USP9X: variants seen among roughly 807,000 people sequenced by gnomAD.
USP9X encodes ubiquitin specific peptidase 9 X-linked.
In USP9X, 7 loss-of-function variants were observed where a neutral mutation model predicts 190.3. The ratio of observed to expected loss-of-function variants is 0.04; its 90% CI spans 0.02 to 0.07. The LOEUF (loss-of-function observed/expected upper bound fraction) is 0.07. Among genes scored for constraint, USP9X ranks in the 10% least tolerant of loss-of-function variants. USP9X has a pLI of 1.00. For missense variants in USP9X, 1,010 were observed against 1,916.9 expected, an observed-to-expected ratio of 0.53 and a Z score of 8.83; for synonymous variants, 645 against 659.5, an observed-to-expected ratio of 0.98 and a Z score of 0.34.
At chrX:41,168,599 C>G (rs554870725) in intron 18 of USP9X, among the ~76,000 whole-genome samples, 10 of 112,479 alleles carry the variant, frequency 8.9e-5, no homozygotes, top group African/African-American at 3.2e-4. Flanking sequence ...CTCAAGCGAC[C>G]TTTCCACCTC....
intron 1 of USP9X, among the ~76,000 whole-genome samples, chrX:41,106,659 A>G (rs1255798200): frequency 2.0e-5 from 2 of 102,043 alleles, no homozygotes; most frequent in Non-Finnish European, 3.9e-5. Flanking sequence ...ACCTCCAAGT[A>G]GCTGAGATTA....
intron 1 of USP9X, among the ~76,000 whole-genome samples, chrX:41,121,851 A>T (rs762250866): frequency 9.0e-6 from 1 of 111,680 alleles, no homozygotes; most frequent in African/African-American, 3.3e-5. Flanking sequence ...GAAGAGGGCT[A>T]CTGATCTAAT....
chrX:41,213,286 G>C (rs2063182277), intron 33 of USP9X, among the ~76,000 whole-genome samples: 1 of 111,119 alleles, frequency 9.0e-6, no homozygotes, highest in African/African-American at 3.3e-5. Flanking sequence ...GACAGAGTGA[G>C]ACCTCACCTC....
Position 41,123,626 on chromosome X carries a change from A to G in USP9X, c.-3A>G, listed in dbSNP as rs1482934260. The G allele has an allele frequency of 1.7e-6, 2 of 1,210,222 alleles. No homozygotes were observed. Among genetic ancestry groups the G allele is most frequent in the Non-Finnish European group, 2.2e-6 (2 of 894,201 alleles). On this transcript the variant is annotated 5_prime_UTR_variant, in exon 2 of 45. Coordinates refer to ENST00000378308, the MANE Select transcript of USP9X (RefSeq NM_001039591.3). ...AATTGCAAAGATCTGCCCTGTGTCGAGTATGACAGCCACGACTCGTGGCTC... is the reference window on the plus strand; with the variant it reads ...AATTGCAAAGATCTGCCCTGTGTCGGGTATGACAGCCACGACTCGTGGCTC...
intron 1 of USP9X, among the ~76,000 whole-genome samples, chrX:41,121,050 G>A (rs1173338272): frequency 2.8e-5 from 3 of 105,913 alleles, no homozygotes; most frequent in South Asian, 4.2e-4. Flanking sequence ...GTGTCACCAC[G>A]TTGGCCAGGC....
At chrX:41,217,734 T>C (rs181907698) in intron 36 of USP9X, among the ~76,000 whole-genome samples, 1 of 110,718 alleles carries the variant, frequency 9.0e-6, no homozygotes, top group African/African-American at 3.3e-5. Flanking sequence ...AAAGAAGATT[T>C]TAAAAATTAC....
chrX:41,091,466 G>T (rs756314706), intron 1 of USP9X, among the ~76,000 whole-genome samples: 16 of 111,841 alleles, frequency 1.4e-4, no homozygotes, highest in Non-Finnish European at 2.4e-4. Flanking sequence ...TAGGTGTTTT[G>T]ATTAATTTTG....
chrX:41,121,517 C>G lies in USP9X; in HGVS notation c.-158-1954C>G, dbSNP rs190172224. On this transcript the variant is annotated intron_variant, in intron 1 of 44. Coordinates refer to ENST00000378308, the MANE Select transcript of USP9X (RefSeq NM_001039591.3). ...TACTTGGGTATTAATATTACAGAAG[C>G]AAGCCCCCAGGTAAGTTTTATATAC... is the stretch of plus-strand genomic sequence containing the variant. Among the ~76,000 whole-genome samples, 388 of 111,847 alleles carry G rather than the reference C, an allele frequency of 3.5e-3. 1 individual carries two copies. Among genetic ancestry groups the G allele is most frequent in the Non-Finnish European group, 6.2e-3 (329 of 53,136 alleles).
chrX:41,174,921 T>C (rs1292294775), intron 21 of USP9X, among the ~76,000 whole-genome samples: 1 of 110,932 alleles, frequency 9.0e-6, no homozygotes, highest in African/African-American at 3.3e-5. Context: ...GAGGCGGAGG[T>C]TGCGTTGAGC....
chrX:41,142,989 A>G (rs2062435903), intron 9 of USP9X, among the ~76,000 whole-genome samples: 2 of 111,831 alleles, frequency 1.8e-5, no homozygotes, highest in Admixed American at 1.9e-4. Context: ...CAAAGATCCT[A>G]AAATTGGTCC....
intron 2 of USP9X, among the ~76,000 whole-genome samples, chrX:41,126,851 G>C (rs2062259060): frequency 9.0e-6 from 1 of 111,205 alleles, no homozygotes. Context: ...CTTTTTATGT[G>C]CTGGCATAAA....
At chrX:41,104,898 C>G (rs5918112) in intron 1 of USP9X, among the ~76,000 whole-genome samples, 10,338 of 110,910 alleles carry the variant, frequency 0.093, 450 homozygotes, top group Middle Eastern at 0.17. Flanking sequence ...AAATCAGGTA[C>G]CAAAAACTAA....
Position 41,232,626 on chromosome X carries a change from C to T in USP9X, c.*102C>T. 1 of 1,042,793 alleles carries T rather than the reference C, an allele frequency of 9.6e-7. No homozygotes were observed. The highest frequency in any genetic ancestry group is 3.0e-5 in the Admixed American group (1 of 33,062). The allele number at this position is 1,042,793 out of a possible 1,213,427, so 85.9% of individuals were successfully genotyped here. Reference sequence around the variant, plus strand: ...ATATTTAAAACTAGAAAAACTATTCCTAATCAACATGGAGTGGAGAGTTTA... The same window carrying T: ...ATATTTAAAACTAGAAAAACTATTCTTAATCAACATGGAGTGGAGAGTTTA... On this transcript the variant is annotated 3_prime_UTR_variant, in exon 45 of 45. Coordinates refer to ENST00000378308, the MANE Select transcript of USP9X (RefSeq NM_001039591.3).
At chrX:41,205,861 TTTTTTCTTTTTTTC>T (rs2063087811) in intron 32 of USP9X, among the ~76,000 whole-genome samples, 2 of 106,389 alleles carry the variant, frequency 1.9e-5, no homozygotes, top group South Asian at 8.2e-4. Context: ...AACCTATTTT[TTTTTTCTTTTTTTC>T]TTTTTCTTTT....
chrX:41,225,255 T>A, intron 41 of USP9X, 118 bp downstream of exon 41: 1 of 595,824 alleles, frequency 1.7e-6, no homozygotes, highest in Non-Finnish European at 2.6e-6. Flanking sequence ...TGTTTTATCT[T>A]AAACCTAGGA....
At chrX:41,103,018 TCCTGACCTCAGGTGATCCGCCTGC>T (rs2062045656) in intron 1 of USP9X, among the ~76,000 whole-genome samples, 1 of 112,108 alleles carries the variant, frequency 8.9e-6, no homozygotes, top group South Asian at 3.7e-4. Context: ...AGTCTTGAAC[TCCTGACCTCAGGTGATCCGCCTGC>T]CTTGGCCTCC....
At chrX:41,154,502 T>C (rs41372946) in intron 14 of USP9X, among the ~76,000 whole-genome samples, 21,493 of 111,271 alleles carry the variant, frequency 0.19, 1,590 homozygotes, top group Admixed American at 0.27. Flanking sequence ...TGGTGTTTAA[T>C]TTCATTGTCA....
At chrX:41,152,111 C>T (rs1426187726) in intron 13 of USP9X, among the ~76,000 whole-genome samples, 1 of 112,297 alleles carries the variant, frequency 8.9e-6, no homozygotes, top group Non-Finnish European at 1.9e-5. Context: ...ATGTATATGT[C>T]TTTATTTAAA....
At chrX:41,096,507 A>G (rs2061992466) in intron 1 of USP9X, among the ~76,000 whole-genome samples, 1 of 111,622 alleles carries the variant, frequency 9.0e-6, no homozygotes, top group South Asian at 3.7e-4. Context: ...TAGTGGTGTG[A>G]TCTCAGCTCA....
Sources: gnomAD v4.1 joint callset for allele counts (sites outside exome capture counted in the v4.1 genomes callset) on GRCh38, gnomAD v4.1.1 for gene constraint, MANE v1.5 for transcripts, NCBI Gene and HGNC (gene_info 2026-07-23, HGNC 2026-07-21) for gene names.